Variants in PSD3 observed in about 807,000 individuals in gnomAD.
PSD3 encodes the protein PH and SEC7 domain-containing protein 3.
In PSD3, 49 loss-of-function variants were observed where a neutral mutation model predicts 105.5. The observed-to-expected ratio is 0.46, with a 90% CI of 0.37 to 0.59. The LOEUF (loss-of-function observed/expected upper bound fraction) is 0.59, where lower values mean the gene tolerates loss of function less well. Among genes scored for constraint, PSD3 ranks in the 20% least tolerant of loss-of-function variants. The probability of loss-of-function intolerance (pLI) is 0.00; values close to 1 mark genes in which losing one functional copy is unlikely to be tolerated. For missense variants in PSD3, 1,561 were observed against 1,263.8 expected (o/e 1.24, Z -3.57); for synonymous variants, 557 against 457.8 (o/e 1.22, Z -2.77).
intron 2 of PSD3, among the ~76,000 whole-genome samples, chr8:18,917,622 T>TATCA (rs1820710281): frequency 6.6e-6 from 1 of 152,214 alleles, no homozygotes; most frequent in Non-Finnish European, 1.5e-5. Flanking sequence ...TCCAAGAACC[T>TATCA]ATCAAGGATG....
intron 8 of PSD3, among the ~76,000 whole-genome samples, chr8:18,781,668 A>G (rs1471087149): frequency 6.6e-6 from 1 of 152,180 alleles, no homozygotes; most frequent in East Asian, 1.9e-4. Flanking sequence ...TCGACTATGA[A>G]GTGGCATGGA....
At chr8:18,814,740 T>C (rs578260051) in intron 4 of PSD3, among the ~76,000 whole-genome samples, 13 of 152,302 alleles carry the variant, frequency 8.5e-5, no homozygotes, top group East Asian at 5.8e-4. Context: ...GTGAGCCCCA[T>C]TTCCGGTGGA....
chr8:18,661,721 A>G (rs1352640886), intron 9 of PSD3, among the ~76,000 whole-genome samples: 4 of 152,158 alleles, frequency 2.6e-5, no homozygotes, highest in South Asian at 2.1e-4. Flanking sequence ...GCAAAGGGCA[A>G]TTGTTAAGCA....
intron 2 of PSD3, among the ~76,000 whole-genome samples, chr8:18,933,770 T>C (rs1821899075): frequency 6.6e-6 from 1 of 152,174 alleles, no homozygotes. Context: ...GCCAGGCCAA[T>C]GCCAAAGAGT....
intron 15 of PSD3, among the ~76,000 whole-genome samples, chr8:18,537,556 G>A (rs1293497472): frequency 6.6e-6 from 1 of 152,154 alleles, no homozygotes; most frequent in Non-Finnish European, 1.5e-5. Flanking sequence ...GCTAAGTTGG[G>A]CCATGTGATA....
chr8:18,537,962 C>A (rs1017213531), intron 15 of PSD3, among the ~76,000 whole-genome samples: 2 of 152,224 alleles, frequency 1.3e-5, no homozygotes, highest in African/African-American at 4.8e-5. Context: ...CAGGCGTGAG[C>A]CACTGCACGT....
intron 1 of PSD3, among the ~76,000 whole-genome samples, chr8:19,033,070 A>G (rs1425770888): frequency 6.6e-6 from 1 of 151,986 alleles, no homozygotes; most frequent in East Asian, 1.9e-4. Context: ...GACTGAACAT[A>G]GCAAGACCCT....
At chr8:18,677,172 A>G (rs1380446203) in intron 9 of PSD3, among the ~76,000 whole-genome samples, 1 of 152,224 alleles carries the variant, frequency 6.6e-6, no homozygotes, top group Non-Finnish European at 1.5e-5. Flanking sequence ...AGAAATTCAC[A>G]GATACAGAGG....
chr8:18,828,455 C>T (rs761386223), intron 4 of PSD3, among the ~76,000 whole-genome samples: 2 of 152,068 alleles, frequency 1.3e-5, no homozygotes, highest in Admixed American at 1.3e-4. Flanking sequence ...AGCCATCTTA[C>T]TCACAATTTT....
At chr8:19,027,580 C>T (rs544631370) in intron 1 of PSD3, among the ~76,000 whole-genome samples, 15 of 152,310 alleles carry the variant, frequency 9.8e-5, no homozygotes, top group East Asian at 3.9e-4. Flanking sequence ...CAAAGTTCCA[C>T]GCCCCTATGT....
intron 12 of PSD3, among the ~76,000 whole-genome samples, chr8:18,588,138 C>CAGGCAGTA (rs1803333450): frequency 6.6e-6 from 1 of 152,176 alleles, no homozygotes; most frequent in Admixed American, 6.5e-5. Context: ...TGCTCAGCAG[C>CAGGCAGTA]AGGCAGTATC....
chr8:18,669,222 A>G (rs1799641733), intron 9 of PSD3, among the ~76,000 whole-genome samples: 1 of 152,218 alleles, frequency 6.6e-6, no homozygotes, highest in African/African-American at 2.4e-5. Flanking sequence ...CTAGACACTA[A>G]TTAGAATGTA....
intron 8 of PSD3, among the ~76,000 whole-genome samples, chr8:18,785,197 C>T (rs371742208): frequency 5.3e-5 from 8 of 152,198 alleles, no homozygotes; most frequent in African/African-American, 1.9e-4. Context: ...ATCACTGGGG[C>T]TTATATTGAT....
At chr8:18,828,067 A>ATATATATATATATTT (rs371473289) in intron 4 of PSD3, among the ~76,000 whole-genome samples, 9 of 118,896 alleles carry the variant, frequency 7.6e-5, no homozygotes, top group African/African-American at 2.8e-4. Flanking sequence ...ATATATATAT[A>ATATATATATATATTT]TTTTTTTTTT....
intron 9 of PSD3, among the ~76,000 whole-genome samples, chr8:18,718,660 G>A (rs1337064042): frequency 2.0e-5 from 3 of 152,126 alleles, no homozygotes; most frequent in Admixed American, 6.5e-5. Context: ...ACTCTCCTAA[G>A]ACCCGAAATG....
intron 4 of PSD3, among the ~76,000 whole-genome samples, chr8:18,855,030 C>G (rs2129453309): frequency 6.6e-6 from 1 of 152,288 alleles, no homozygotes; most frequent in East Asian, 1.9e-4. Flanking sequence ...CCGTGGCCGC[C>G]AGACCTAACC....
chr8:18,730,541 A>G (rs540634891), intron 9 of PSD3, among the ~76,000 whole-genome samples: 2 of 152,332 alleles, frequency 1.3e-5, no homozygotes, highest in Non-Finnish European at 2.9e-5. Flanking sequence ...AAGATAAAGA[A>G]AAGATACACT....
At chr8:18,923,708 A>G (rs1563425571) in intron 2 of PSD3, among the ~76,000 whole-genome samples, 1 of 152,178 alleles carries the variant, frequency 6.6e-6, no homozygotes. Context: ...TGATGTTTGC[A>G]CAAAGATGAA....
intron 8 of PSD3, among the ~76,000 whole-genome samples, chr8:18,775,097 A>G (rs959385044): frequency 7.9e-5 from 12 of 152,168 alleles, no homozygotes; most frequent in Non-Finnish European, 1.5e-4. Flanking sequence ...CAAGTTTGAG[A>G]AAGAACATGT....
Sources: gnomAD v4.1 joint callset for allele counts (sites outside exome capture counted in the v4.1 genomes callset) on GRCh38, gnomAD v4.1.1 for gene constraint, MANE v1.5 for transcripts, NCBI Gene and HGNC (gene_info 2026-07-23, HGNC 2026-07-21) for gene names.